GPR39: variants seen among roughly 807,000 people sequenced by gnomAD.
GPR39 encodes the protein G protein-coupled receptor 39.
GPR39 carries 23 observed loss-of-function variants against 18.4 expected under a neutral mutation model. That is an observed-to-expected ratio of 1.25 (90% confidence interval 0.90 to 1.77). GPR39 has a LOEUF of 1.77. GPR39 is among the 40% of genes most tolerant of loss of function. The pLI is 0.00. For missense variants in GPR39, 647 were observed against 602.4 expected (o/e 1.07, Z -0.78); for synonymous variants, 280 against 257.9 (o/e 1.09, Z -0.82).
At chr2:132,582,911 CTTTCTTTTTTTTTT>C (rs1558847645) in intron 1 of GPR39, among the ~76,000 whole-genome samples, 1 of 114,058 alleles carries the variant, frequency 8.8e-6, no homozygotes, top group African/African-American at 3.1e-5. Flanking sequence ...AGATTTCTTT[CTTTCTTTTTTTTTT>C]TTTTTTTTTT....
At chr2:132,455,375 C>T (rs564950069) in intron 1 of GPR39, among the ~76,000 whole-genome samples, 99 of 152,116 alleles carry the variant, frequency 6.5e-4, no homozygotes, top group African/African-American at 2.1e-3. Flanking sequence ...TCTCTCTTTT[C>T]TTCTTTATTA....
At chr2:132,490,148 T>A (rs1030982636) in intron 1 of GPR39, among the ~76,000 whole-genome samples, 14 of 151,968 alleles carry the variant, frequency 9.2e-5, no homozygotes, top group African/African-American at 3.4e-4. Flanking sequence ...CCAGAGAAAT[T>A]CATCTCCCTT....
rs1218362762 is a variant in GPR39, at chr2:132,493,509, T to TATATATATACACC, written c.856+75620_856+75621insCACCATATATATA. ...ACACCATATATATATATACACCATA[T>TATATATATACACC]ATATATATATATATATATACACACA... On this transcript the variant is annotated intron_variant, in intron 1 of 1. Transcript: ENST00000329321. Among the ~76,000 whole-genome samples, 60 of 54,914 alleles carry TATATATATACACC rather than the reference T, an allele frequency of 1.1e-3. No homozygotes were observed. The East Asian group carries it at 0.11, about 102-fold the overall frequency. 36.0% of individuals were successfully genotyped at this position (54,914 alleles called of 152,430 possible). A position where few individuals can be genotyped will look rare whatever the true frequency, so the allele number is the denominator to read the frequency against.
chr2:132,614,528 C>T (rs139817485), intron 1 of GPR39, among the ~76,000 whole-genome samples: 4,425 of 151,952 alleles, frequency 0.029, 74 homozygotes, highest in Middle Eastern at 0.065. Context: ...CATGAGCCAC[C>T]GCACCCAGCC....
At chr2:132,437,739 C>G (rs910111542) in intron 1 of GPR39, among the ~76,000 whole-genome samples, 1 of 152,156 alleles carries the variant, frequency 6.6e-6, no homozygotes, top group Non-Finnish European at 1.5e-5. Flanking sequence ...TAGACATGTT[C>G]CTTGACTGCA....
At chr2:132,644,846 TATAA>T in intron 1 of GPR39, 1 of 496,892 alleles carries the variant, frequency 2.0e-6, no homozygotes, top group East Asian at 3.4e-5. Flanking sequence ...CATCAACTGG[TATAA>T]ATACACTGTC....
intron 1 of GPR39, among the ~76,000 whole-genome samples, chr2:132,594,004 G>A (rs1680893434): frequency 1.3e-5 from 2 of 152,202 alleles, no homozygotes; most frequent in South Asian, 2.1e-4. Flanking sequence ...GGAGGTCCAA[G>A]TGTTGCCAAA....
At chr2:132,481,556 A>G (rs1252842682) in intron 1 of GPR39, among the ~76,000 whole-genome samples, 1 of 152,214 alleles carries the variant, frequency 6.6e-6, no homozygotes, top group Non-Finnish European at 1.5e-5. Context: ...GTCAGAAAGA[A>G]TTTTTGTTAC....
chr2:132,526,226 A>G (rs1181740117), intron 1 of GPR39, among the ~76,000 whole-genome samples: 1 of 152,210 alleles, frequency 6.6e-6, no homozygotes, highest in African/African-American at 2.4e-5. Context: ...AGCATGCGGT[A>G]GATGCACTGT....
At position 132,645,109 on chromosome 2, in the gene GPR39, G is replaced by T; in HGVS notation, c.865G>T (p.Val289Phe). ...RQTIIFLRLI[V>F]VTLAVCWMPN... ...TGCTCGTGTCTGCCCAGGGCTGATT[G>T]TTGTGACATTGGCCGTATGCTGGAT... is the stretch of plus-strand genomic sequence containing the variant. Residue 289 changes from valine (V) to phenylalanine (F), a missense_variant, in exon 2 of 2, where the codon GTT becomes TTT. Physicochemically the swap from Val to Phe is conservative, Grantham distance 50. Transcript: ENST00000329321. 1 of 1,612,228 alleles carries T rather than the reference G, an allele frequency of 6.2e-7. No individual in the cohort carries two copies. The highest frequency in any genetic ancestry group is 2.2e-5 in the East Asian group (1 of 44,844).
intron 1 of GPR39, among the ~76,000 whole-genome samples, chr2:132,475,439 A>T (rs530725939): frequency 2.2e-4 from 34 of 151,886 alleles, no homozygotes; most frequent in Non-Finnish European, 2.6e-4. Flanking sequence ...CCATGCACCT[A>T]TTTCCAATAA....
chr2:132,431,120 A>G (rs1573598589), intron 1 of GPR39, among the ~76,000 whole-genome samples: 1 of 152,120 alleles, frequency 6.6e-6, no homozygotes, highest in African/African-American at 2.4e-5. Context: ...TGACTCACTC[A>G]CTCACCTAGG....
chr2:132,564,235 C>A (rs1680307924), intron 1 of GPR39, among the ~76,000 whole-genome samples: 1 of 152,142 alleles, frequency 6.6e-6, no homozygotes, highest in South Asian at 2.1e-4. Context: ...ACACATTAAA[C>A]CCTTTGATAC....
chr2:132,636,929 C>G (rs1681772057), intron 1 of GPR39, among the ~76,000 whole-genome samples: 1 of 152,128 alleles, frequency 6.6e-6, no homozygotes, highest in South Asian at 2.1e-4. Context: ...CACTCCTGTG[C>G]TGTGTGTTAC....
intron 1 of GPR39, among the ~76,000 whole-genome samples, chr2:132,636,316 T>C (rs1317724793): frequency 2.6e-5 from 4 of 152,116 alleles, no homozygotes; most frequent in Non-Finnish European, 5.9e-5. Context: ...CCAGGTTGGG[T>C]TGGAAGGCCA....
intron 1 of GPR39, among the ~76,000 whole-genome samples, chr2:132,640,167 A>AG (rs1191952683): frequency 6.6e-6 from 1 of 152,168 alleles, no homozygotes; most frequent in Non-Finnish European, 1.5e-5. Flanking sequence ...TAAAGGTTAG[A>AG]GGGGAGAAAA....
At chr2:132,535,323 CAT>C (rs1307378119) in intron 1 of GPR39, among the ~76,000 whole-genome samples, 1 of 152,108 alleles carries the variant, frequency 6.6e-6, no homozygotes, top group East Asian at 1.9e-4. Flanking sequence ...TTGGGATAAT[CAT>C]GTGGTTTTTG....
At chr2:132,498,544 A>G (rs1489484789) in intron 1 of GPR39, among the ~76,000 whole-genome samples, 5 of 152,130 alleles carry the variant, frequency 3.3e-5, no homozygotes, top group Non-Finnish European at 5.9e-5. Context: ...TGCGTGTGCT[A>G]GTATCTTTTT....
intron 1 of GPR39, among the ~76,000 whole-genome samples, chr2:132,613,174 C>T (rs1375767860): frequency 1.3e-5 from 2 of 152,146 alleles, no homozygotes; most frequent in African/African-American, 4.8e-5. Flanking sequence ...GATCATGTAA[C>T]GTGTGACTAA....
Sources: gnomAD v4.1 joint callset for allele counts (sites outside exome capture counted in the v4.1 genomes callset) on GRCh38, gnomAD v4.1.1 for gene constraint, MANE v1.5 for transcripts, NCBI Gene and HGNC (gene_info 2026-07-23, HGNC 2026-07-21) for gene names.